The following KCNAB1 variants were observed in gnomAD, a reference collection of about 807,000 sequenced individuals.
KCNAB1 encodes voltage-gated potassium channel subunit beta-1.
KCNAB1 carries 35 observed loss-of-function variants against 64.6 expected under a neutral mutation model. The observed-to-expected ratio is 0.54, with a 90% CI of 0.41 to 0.72. The LOEUF (loss-of-function observed/expected upper bound fraction) is 0.72. KCNAB1 is among the 30% of genes least tolerant of loss of function. The pLI, the probability that KCNAB1 is intolerant of heterozygous loss-of-function variation, is 0.00. For missense variants in KCNAB1, 401 were observed against 512.9 expected (o/e 0.78, Z 2.11); for synonymous variants, 177 against 183.8 (o/e 0.96, Z 0.30).
At position 156,173,939 on chromosome 3, in the gene KCNAB1, T is replaced by A. The variant is rs568751312; in HGVS notation, c.275+53053T>A. ...GCCCAATTGATTCAATTGATTGAGCTGGGACGTTGGCCTTCTGCCCTCAGA... is the reference window on the plus strand; with the variant it reads ...GCCCAATTGATTCAATTGATTGAGCAGGGACGTTGGCCTTCTGCCCTCAGA... On this transcript the variant is annotated intron_variant, in intron 1 of 13. Coordinates refer to ENST00000490337, the MANE Select transcript of KCNAB1 (RefSeq NM_172160.3). 3.9e-5 allele frequency among the ~76,000 whole-genome samples: 6 copies of A among 152,354 alleles called. No individual in the cohort carries two copies. In the East Asian group the frequency reaches 1.2e-3, roughly 29 times the overall value.
At chr3:156,372,361 C>A (rs1726363746) in intron 1 of KCNAB1, among the ~76,000 whole-genome samples, 1 of 152,184 alleles carries the variant, frequency 6.6e-6, no homozygotes, top group Admixed American at 6.5e-5. Context: ...ATATTATTCA[C>A]CTCATAGGGT....
intron 8 of KCNAB1, among the ~76,000 whole-genome samples, chr3:156,484,036 A>G (rs539142948): frequency 2.6e-5 from 4 of 152,280 alleles, no homozygotes; most frequent in African/African-American, 9.6e-5. Context: ...TTTCTTTGGA[A>G]ATCAGTGATT....
At chr3:156,481,621 C>T (rs1714811104) in intron 8 of KCNAB1, among the ~76,000 whole-genome samples, 1 of 152,062 alleles carries the variant, frequency 6.6e-6, no homozygotes, top group Non-Finnish European at 1.5e-5. Context: ...GTAGGGTTCA[C>T]TTCAGGTTCT....
chr3:156,490,712 C>T (rs1243930844), intron 8 of KCNAB1, among the ~76,000 whole-genome samples: 1 of 152,012 alleles, frequency 6.6e-6, no homozygotes, highest in East Asian at 1.9e-4. Context: ...GTTCTGTCCA[C>T]GAGTCCAACA....
At chr3:156,291,724 C>T (rs1720439036) in intron 1 of KCNAB1, 4 of 1,438,860 alleles carry the variant, frequency 2.8e-6, no homozygotes, top group Admixed American at 2.8e-5. Context: ...TGCATCGCAG[C>T]CCCTTGTGCC....
chr3:156,148,057 C>T (rs965990412), intron 1 of KCNAB1, among the ~76,000 whole-genome samples: 6 of 152,064 alleles, frequency 3.9e-5, no homozygotes, highest in African/African-American at 7.2e-5. Context: ...CCAGGCTCCC[C>T]GTTATTGTGC....
intron 1 of KCNAB1, among the ~76,000 whole-genome samples, chr3:156,219,092 TC>T (rs1715528684): frequency 6.6e-6 from 1 of 151,544 alleles, no homozygotes; most frequent in Non-Finnish European, 1.5e-5. Context: ...CAGCAATGGA[TC>T]CAAACCAAGA....
intron 2 of KCNAB1, among the ~76,000 whole-genome samples, chr3:156,428,439 A>G (rs1715972357): frequency 6.7e-6 from 1 of 149,384 alleles, no homozygotes; most frequent in Non-Finnish European, 1.5e-5. Flanking sequence ...AGATCTTGGG[A>G]TTTCTTGGCC....
chr3:156,157,827 G>C (rs1715810414), intron 1 of KCNAB1, among the ~76,000 whole-genome samples: 1 of 152,040 alleles, frequency 6.6e-6, no homozygotes, highest in Non-Finnish European at 1.5e-5. Flanking sequence ...GCTATTTTTA[G>C]GCATTAGAAA....
intron 1 of KCNAB1, among the ~76,000 whole-genome samples, chr3:156,310,535 G>A (rs1286376695): frequency 4.6e-5 from 7 of 152,172 alleles, no homozygotes; most frequent in Non-Finnish European, 1.0e-4. Flanking sequence ...TGGGCATGGT[G>A]GCTTACGCCT....
chr3:156,448,841 A>T (rs1358354518), intron 2 of KCNAB1, among the ~76,000 whole-genome samples: 4 of 152,222 alleles, frequency 2.6e-5, no homozygotes, highest in African/African-American at 9.7e-5. Context: ...AATAACAGTC[A>T]ACAAGGCAAT....
chr3:156,462,824 G>A (rs1424789067), intron 5 of KCNAB1, among the ~76,000 whole-genome samples: 1 of 152,060 alleles, frequency 6.6e-6, no homozygotes, highest in Non-Finnish European at 1.5e-5. Flanking sequence ...ACATACCGAG[G>A]GAAACCAAAT....
At chr3:156,338,087 T>C (rs1247935219) in intron 1 of KCNAB1, among the ~76,000 whole-genome samples, 1 of 152,094 alleles carries the variant, frequency 6.6e-6, no homozygotes, top group African/African-American at 2.4e-5. Flanking sequence ...GATGAGGGGA[T>C]GGTCCAACTC....
intron 1 of KCNAB1, among the ~76,000 whole-genome samples, chr3:156,128,228 G>A (rs956901427): frequency 6.6e-6 from 1 of 152,160 alleles, no homozygotes. Flanking sequence ...AATGAGACTA[G>A]ACGAGATGAT....
chr3:156,428,808 A>G (rs966226930), intron 2 of KCNAB1, among the ~76,000 whole-genome samples: 2 of 152,164 alleles, frequency 1.3e-5, no homozygotes, highest in African/African-American at 4.8e-5. Flanking sequence ...CCTGTCAGAT[A>G]GGGTTTGATC....
intron 1 of KCNAB1, among the ~76,000 whole-genome samples, chr3:156,128,942 A>G (rs1713824359): frequency 6.6e-6 from 1 of 152,236 alleles, no homozygotes; most frequent in Non-Finnish European, 1.5e-5. Context: ...GGTGGAATTG[A>G]GATCTGACAA....
intron 1 of KCNAB1, among the ~76,000 whole-genome samples, chr3:156,197,045 A>G (rs953406151): frequency 9.2e-5 from 14 of 152,320 alleles, no homozygotes; most frequent in African/African-American, 3.4e-4. Flanking sequence ...CCTTTTCTGC[A>G]TCTATTGAGA....
intron 1 of KCNAB1, among the ~76,000 whole-genome samples, chr3:156,402,130 C>A (rs1458283686): frequency 1.5e-4 from 22 of 148,832 alleles, no homozygotes; most frequent in African/African-American, 5.0e-4. Context: ...GCATATGTAC[C>A]CTAGAACTTA....
At position 156,472,296 on chromosome 3, in the gene KCNAB1, G is replaced by A. The variant is rs1713969942; in HGVS notation, c.572-2438G>A. 1.3e-5 allele frequency among the ~76,000 whole-genome samples: 2 copies of A among 152,156 alleles called. 1 individual carries two copies. Among genetic ancestry groups the A allele is most frequent in the African/African-American group, 4.8e-5 (2 of 41,438 alleles). On this transcript the variant is annotated intron_variant, in intron 7 of 13. Transcript: ENST00000490337. ...TACACCTCTCACTAACTTTGTCTGA[G>A]CTGGATGAGCTGCGGTGGCTGTGCC...
Sources: gnomAD v4.1 joint callset for allele counts (sites outside exome capture counted in the v4.1 genomes callset) on GRCh38, gnomAD v4.1.1 for gene constraint, MANE v1.5 for transcripts, NCBI Gene and HGNC (gene_info 2026-07-23, HGNC 2026-07-21) for gene names.